TMC1: variants seen among roughly 807,000 people sequenced by gnomAD.
The protein encoded by TMC1 is transmembrane channel like 1.
TMC1 carries 84 observed loss-of-function variants against 105.8 expected under a neutral mutation model. That is an observed-to-expected ratio of 0.79 (90% confidence interval 0.67 to 0.95). The LOEUF is 0.95. Ranked by LOEUF, TMC1 falls within the 40% of genes least tolerant of loss-of-function variation. The pLI, the probability that TMC1 is intolerant of heterozygous loss-of-function variation, is 0.00. For missense variants in TMC1, 817 were observed against 914.1 expected (o/e 0.89, Z 1.37); for synonymous variants, 315 against 311.5 (o/e 1.01, Z -0.12).
At chr9:72,835,351 A>AG (rs1829105395) in intron 23 of TMC1, among the ~76,000 whole-genome samples, 1 of 148,380 alleles carries the variant, frequency 6.7e-6, no homozygotes, top group Non-Finnish European at 1.5e-5. Flanking sequence ...AGTCTACCTT[A>AG]GTGAGAATTT....
At chr9:72,710,821 C>T (rs1011154963) in intron 8 of TMC1, among the ~76,000 whole-genome samples, 2 of 152,016 alleles carry the variant, frequency 1.3e-5, no homozygotes, top group African/African-American at 4.8e-5. Flanking sequence ...TTCTGGGGTA[C>T]ATGTGTGGAA....
chr9:72,562,985 TAAAG>T (rs1028754447), intron 1 of TMC1, among the ~76,000 whole-genome samples: 23 of 151,968 alleles, frequency 1.5e-4, no homozygotes, highest in African/African-American at 5.6e-4. Flanking sequence ...AAATAAAAAA[TAAAG>T]AAAATTGGAC....
At chr9:72,664,134 CTAAAA>C (rs1213486946) in intron 5 of TMC1, among the ~76,000 whole-genome samples, 1 of 152,184 alleles carries the variant, frequency 6.6e-6, no homozygotes, top group African/African-American at 2.4e-5. Flanking sequence ...GGAGTACACT[CTAAAA>C]TAACGATTAA....
intron 1 of TMC1, among the ~76,000 whole-genome samples, chr9:72,526,093 G>T (rs1823403846): frequency 6.6e-6 from 1 of 152,146 alleles, no homozygotes; most frequent in South Asian, 2.1e-4. Context: ...CCAGCCCCTT[G>T]CTTTGGGGGC....
rs146341531 is a variant in TMC1, at chr9:72,737,024, A to T, written c.363-3095A>T. 1.9e-3 allele frequency among the ~76,000 whole-genome samples: 292 copies of T among 152,292 alleles called. 1 individual carries two copies. The highest frequency in any genetic ancestry group is 3.4e-3 in the Non-Finnish European group (231 of 68,032). On this transcript the variant is annotated intron_variant, in intron 8 of 23. Transcript: ENST00000297784. ...GTTCCCTGTGGAAGTTGGCCTTCAAAAGGGTGCAGCTTGTGAGTTTTTGAG... is the reference window on the plus strand; with the variant it reads ...GTTCCCTGTGGAAGTTGGCCTTCAATAGGGTGCAGCTTGTGAGTTTTTGAG...
chr9:72,588,851 C>T (rs1824593096), intron 2 of TMC1, among the ~76,000 whole-genome samples: 1 of 151,302 alleles, frequency 6.6e-6, no homozygotes, highest in Non-Finnish European at 1.5e-5. Flanking sequence ...TCTCGGCTCA[C>T]CACGACCTCT....
intron 5 of TMC1, among the ~76,000 whole-genome samples, chr9:72,654,010 G>A (rs1825850552): frequency 6.6e-6 from 1 of 152,052 alleles, no homozygotes; most frequent in Admixed American, 6.5e-5. Context: ...TTGTATACGT[G>A]GTTCACAGTT....
intron 3 of TMC1, among the ~76,000 whole-genome samples, chr9:72,616,950 T>G (rs551044179): frequency 6.6e-6 from 1 of 152,310 alleles, no homozygotes; most frequent in Non-Finnish European, 1.5e-5. Flanking sequence ...GCTTTGACTT[T>G]GTAAAATTGT....
intron 4 of TMC1, among the ~76,000 whole-genome samples, chr9:72,636,073 C>T (rs1256732300): frequency 6.6e-6 from 1 of 152,098 alleles, no homozygotes; most frequent in Non-Finnish European, 1.5e-5. Flanking sequence ...TTTAGACTGC[C>T]TTCTGCCTCT....
intron 2 of TMC1, among the ~76,000 whole-genome samples, chr9:72,614,499 C>T (rs983606399): frequency 5.9e-5 from 9 of 152,084 alleles, no homozygotes; most frequent in Admixed American, 5.2e-4. Context: ...ATGAGGGACA[C>T]GTCTTGAGAA....
At chr9:72,814,896 TTGTGTGTGTGTGTGTGTGTGTGTGTGTG>T (rs57564294) in intron 18 of TMC1, among the ~76,000 whole-genome samples, 3 of 119,174 alleles carry the variant, frequency 2.5e-5, no homozygotes, top group Non-Finnish European at 3.5e-5. Context: ...TGGATCATCT[TTGTGTGTGTGTGTGTGTGTGTGTGTGTG>T]TGTGTGTGTG....
intron 10 of TMC1, among the ~76,000 whole-genome samples, chr9:72,742,898 A>T (rs113793550): frequency 6.6e-6 from 1 of 152,356 alleles, no homozygotes; most frequent in East Asian, 1.9e-4. Flanking sequence ...ATATACTCTC[A>T]TGAATGTTAG....
chr9:72,553,665 C>A (rs992378501), intron 1 of TMC1, among the ~76,000 whole-genome samples: 54 of 152,026 alleles, frequency 3.6e-4, no homozygotes, highest in Admixed American at 6.6e-5. Flanking sequence ...TTAAATTTAT[C>A]TCTTCTGTAT....
At position 72,752,833 on chromosome 9, in the gene TMC1, C is replaced by G. The variant is rs570920414; in HGVS notation, c.642+877C>G. 3.3e-5 allele frequency among the ~76,000 whole-genome samples: 5 copies of G among 152,212 alleles called. No individual in the cohort carries two copies. In the East Asian group the frequency reaches 7.7e-4, roughly 23 times the overall value. On this transcript the variant is annotated intron_variant, in intron 11 of 23. Coordinates refer to ENST00000297784, the MANE Select transcript of TMC1 (RefSeq NM_138691.3). Reference sequence around the variant, plus strand: ...CTTCAAATCAGTGCCAGTTTCTATACTAAGACTCCTATTAACATAATAATA... The same window carrying G: ...CTTCAAATCAGTGCCAGTTTCTATAGTAAGACTCCTATTAACATAATAATA...
intron 17 of TMC1, 91 bp from the exon 18 acceptor site, chr9:72,805,291 T>TTTTTCTTTAGAAATATG: frequency 6.9e-7 from 1 of 1,449,110 alleles, no homozygotes; most frequent in South Asian, 1.2e-5. Flanking sequence ...TTCAAGCCAA[T>TTTTTCTTTAGAAATATG]ACTTCTTTAG....
chr9:72,641,175 C>T (rs971755428), intron 4 of TMC1, among the ~76,000 whole-genome samples: 11 of 152,140 alleles, frequency 7.2e-5, no homozygotes, highest in Non-Finnish European at 4.4e-5. Context: ...CTCACTGAAA[C>T]CTCCGCCTCC....
chr9:72,533,005 A>G (rs942753847), intron 1 of TMC1, among the ~76,000 whole-genome samples: 2 of 152,254 alleles, frequency 1.3e-5, no homozygotes, highest in African/African-American at 4.8e-5. Context: ...TTAATCTGCC[A>G]TAAAATGATG....
At chr9:72,585,801 A>T (rs1824546532) in intron 2 of TMC1, among the ~76,000 whole-genome samples, 1 of 152,126 alleles carries the variant, frequency 6.6e-6, no homozygotes, top group Admixed American at 6.5e-5. Context: ...AAGAATCATG[A>T]TGTGTGTTGT....
chr9:72,807,005 C>T (rs1828608447), intron 18 of TMC1, among the ~76,000 whole-genome samples: 1 of 152,242 alleles, frequency 6.6e-6, no homozygotes, highest in South Asian at 2.1e-4. Flanking sequence ...ACTCCGTCTG[C>T]AATCCCGGCA....
Sources: allele counts gnomAD v4.1 joint callset (sites outside exome capture counted in the v4.1 genomes callset), GRCh38; gene constraint gnomAD v4.1.1; transcripts MANE v1.5; gene names NCBI Gene and HGNC (gene_info 2026-07-23, HGNC 2026-07-21).